RSPRY1: variants seen among roughly 807,000 people sequenced by gnomAD.
RSPRY1 encodes ring finger and SPRY domain containing 1, also known as RING finger and SPRY domain-containing protein 1.
Under a neutral mutation model 73.1 loss-of-function variants are expected in RSPRY1, and 23 were observed. The ratio of observed to expected loss-of-function variants is 0.31; its 90% CI spans 0.23 to 0.45. The LOEUF is 0.45. RSPRY1 is among the 20% of genes least tolerant of loss of function. The pLI is 1.00. For missense variants in RSPRY1, 448 were observed against 698.7 expected, an observed-to-expected ratio of 0.64 and a Z score of 4.05; for synonymous variants, 226 against 251.4, an observed-to-expected ratio of 0.90 and a Z score of 0.95.
intron 10 of RSPRY1, among the ~76,000 whole-genome samples, chr16:57,226,622 A>G (rs1308934042): frequency 3.3e-5 from 5 of 152,216 alleles, no homozygotes; most frequent in Non-Finnish European, 7.3e-5. Context: ...CTAATGCATT[A>G]TAATTAGCAT....
At chr16:57,201,357 A>T (rs2074599477) in intron 1 of RSPRY1, among the ~76,000 whole-genome samples, 1 of 149,264 alleles carries the variant, frequency 6.7e-6, no homozygotes, top group Non-Finnish European at 1.5e-5. Flanking sequence ...CACATCCCAG[A>T]CGGGGCGGCA....
In RSPRY1 at chr16:57,199,730, G is replaced by A. The variant is rs556547630; in HGVS notation, c.-155-4774G>A. Among the ~76,000 whole-genome samples, 4 of 151,946 alleles carry A rather than the reference G, an allele frequency of 2.6e-5. No individual in the cohort carries two copies. In the South Asian group the frequency reaches 8.3e-4, roughly 32 times the overall value. ...TACAATTTCAAGTAAATATTCCAGT[G>A]GCACAATCATCTGACCTACTGGCCC... On this transcript the variant is annotated intron_variant, in intron 1 of 14. Coordinates refer to ENST00000394420, the MANE Select transcript of RSPRY1 (RefSeq NM_133368.3).
At chr16:57,233,279 A>G (rs981058150) in intron 13 of RSPRY1, among the ~76,000 whole-genome samples, 1 of 152,218 alleles carries the variant, frequency 6.6e-6, no homozygotes, top group African/African-American at 2.4e-5. Context: ...AAAAAATAAT[A>G]GTACAGTGAA....
rs1026979138 is a variant in RSPRY1 at position 57,225,908 on chromosome 16, G to A, written c.1162-1434G>A. ...AGCCTGACCAACATGGAGAAACCCC[G>A]TCCCTACTAAAAATACAAAATTAGC... On this transcript the variant is annotated intron_variant, in intron 10 of 14. Coordinates refer to ENST00000394420, the MANE Select transcript of RSPRY1 (RefSeq NM_133368.3). Among the ~76,000 whole-genome samples the A allele has an allele frequency of 7.9e-5, 12 of 152,230 alleles. No homozygotes were observed. In the East Asian group the frequency reaches 1.4e-3, roughly 17 times the overall value.
chr16:57,223,409 CTTG>C (rs2075070791), intron 10 of RSPRY1, among the ~76,000 whole-genome samples: 1 of 152,164 alleles, frequency 6.6e-6, no homozygotes, highest in Admixed American at 6.5e-5. Flanking sequence ...AACAGTTTGT[CTTG>C]TTGTATTGTA....
intron 3 of RSPRY1, among the ~76,000 whole-genome samples, chr16:57,208,815 A>G (rs889533417): frequency 1.3e-5 from 2 of 151,948 alleles, no homozygotes; most frequent in Non-Finnish European, 2.9e-5. Flanking sequence ...GCTTAAAACT[A>G]TTTTAATGTG....
chr16:57,191,785 GTA>G (rs1229453232), intron 1 of RSPRY1, among the ~76,000 whole-genome samples: 1 of 152,104 alleles, frequency 6.6e-6, no homozygotes, highest in Non-Finnish European at 1.5e-5. Context: ...TTGCTGATTT[GTA>G]TAGTCACCTA....
chr16:57,207,645 T>A (rs746858727), intron 2 of RSPRY1: 1 of 457,790 alleles, frequency 2.2e-6, no homozygotes, highest in Non-Finnish European at 4.4e-6. Flanking sequence ...CCATAAGTCC[T>A]CAACCGGGAT....
intron 10 of RSPRY1, among the ~76,000 whole-genome samples, chr16:57,222,161 GC>G (rs769373349): frequency 9.2e-5 from 14 of 151,600 alleles, no homozygotes; most frequent in Admixed American, 1.3e-4. Flanking sequence ...CTAAATAATA[GC>G]CCCCCCCTCC....
chr16:57,225,309 C>A (rs1200030526), intron 10 of RSPRY1, among the ~76,000 whole-genome samples: 3 of 152,342 alleles, frequency 2.0e-5, no homozygotes, highest in South Asian at 2.1e-4. Flanking sequence ...GATCTGCCCC[C>A]CAAAGTGCTG....
intron 1 of RSPRY1, among the ~76,000 whole-genome samples, chr16:57,191,367 G>A (rs1369298582): frequency 6.6e-6 from 1 of 152,104 alleles, no homozygotes; most frequent in African/African-American, 2.4e-5. Flanking sequence ...GAATTACTAA[G>A]GATTACTAAA....
intron 13 of RSPRY1, among the ~76,000 whole-genome samples, chr16:57,233,304 C>T (rs925430484): frequency 3.3e-5 from 5 of 152,180 alleles, no homozygotes; most frequent in Admixed American, 2.6e-4. Context: ...CACATACCCA[C>T]TCTCAGCTAC....
intron 14 of RSPRY1, 75 bp from the exon 15 acceptor site, chr16:57,238,804 G>T (rs986546171): frequency 7.1e-5 from 51 of 714,664 alleles, no homozygotes; most frequent in Admixed American, 3.7e-4. Context: ...TAACATTTTT[G>T]ATTTAGTTGG....
intron 1 of RSPRY1, among the ~76,000 whole-genome samples, chr16:57,201,551 G>A (rs574682321): frequency 2.6e-5 from 4 of 152,180 alleles, no homozygotes; most frequent in Non-Finnish European, 4.4e-5. Flanking sequence ...CTTCCCAGAC[G>A]GGGTGGCGGC....
chr16:57,209,018 A>G (rs2074784008), intron 3 of RSPRY1, 57 bp from the exon 4 acceptor site: 2 of 1,171,230 alleles, frequency 1.7e-6, no homozygotes, highest in Admixed American at 2.0e-5. Flanking sequence ...CGTGTGACAT[A>G]TTTTCACATT....
rs1166852925 is a variant in RSPRY1 at position 57,199,582 on chromosome 16, A to C, written c.-155-4922A>C. Among the ~76,000 whole-genome samples the C allele has an allele frequency of 2.0e-5, 3 of 152,242 alleles. No homozygotes were observed. The East Asian group carries it at 5.8e-4, about 29-fold the overall frequency. ...TTAAGAGGTTAGTTATCTCTGGGAA[A>C]GGCATGGGCTAGGTAGAGCAGAAGA... On this transcript the variant is annotated intron_variant, in intron 1 of 14. Transcript: ENST00000394420.
chr16:57,224,012 A>T (rs1443388795), intron 10 of RSPRY1, among the ~76,000 whole-genome samples: 1 of 152,236 alleles, frequency 6.6e-6, no homozygotes, highest in Admixed American at 6.5e-5. Context: ...CCCCTGTTGA[A>T]GCATCTGCCT....
At chr16:57,189,414 C>T (rs1462863705) in intron 1 of RSPRY1, among the ~76,000 whole-genome samples, 2 of 151,580 alleles carry the variant, frequency 1.3e-5, no homozygotes, top group Non-Finnish European at 2.9e-5. Context: ...GAAATAAAAA[C>T]TTAGCATTTT....
At chr16:57,209,858 A>G (rs1296324833) in intron 4 of RSPRY1, among the ~76,000 whole-genome samples, 5 of 151,136 alleles carry the variant, frequency 3.3e-5, no homozygotes, top group African/African-American at 9.7e-5. Context: ...ATTTTTTTTT[A>G]GAGATGGGGT....
Sources: gnomAD v4.1 joint callset for allele counts (sites outside exome capture counted in the v4.1 genomes callset) on GRCh38, gnomAD v4.1.1 for gene constraint, MANE v1.5 for transcripts, NCBI Gene and HGNC (gene_info 2026-07-23, HGNC 2026-07-21) for gene names.